Variants in HERC2 observed in about 807,000 individuals in gnomAD.
HERC2 encodes HECT and RLD domain containing E3 ubiquitin protein ligase 2, also known as E3 ubiquitin-protein ligase HERC2.
HERC2 carries 102 observed loss-of-function variants against 537.7 expected under a neutral mutation model. That is an observed-to-expected ratio of 0.19 (90% CI 0.16 to 0.22). The LOEUF (loss-of-function observed/expected upper bound fraction) is 0.22. Ranked by LOEUF, HERC2 falls within the 10% of genes least tolerant of loss-of-function variation. The pLI is 1.00. For missense variants in HERC2, 4,236 were observed against 6,198.2 expected (o/e 0.68, Z 10.63); for synonymous variants, 2,224 against 2,466.2 (o/e 0.90, Z 2.91).
chr15:28,137,271 T>C (rs1352775230), intron 78 of HERC2, among the ~76,000 whole-genome samples: 3 of 152,224 alleles, frequency 2.0e-5, no homozygotes, highest in African/African-American at 4.8e-5. Context: ...ACACCTGTGC[T>C]AGCAGTCTGC....
In HERC2 at chr15:28,122,163, CTGGGG is replaced by C. The variant is rs1888982121; in HGVS notation, c.13189-739_13189-735del. 6.6e-6 allele frequency among the ~76,000 whole-genome samples: 1 copy of C among 152,176 alleles called. No homozygotes were observed. The highest frequency in any genetic ancestry group is 1.5e-5 in the Non-Finnish European group (1 of 68,036). ...TCACACTAAAAGAAATCGGGAGTGC[CTGGGG>C]TGAAGACAGCAGGGCGTGGCCAAAC... On this transcript the variant is annotated intron_variant, in intron 85 of 92. Coordinates refer to ENST00000261609, the MANE Select transcript of HERC2 (RefSeq NM_004667.6). This position sits in a 1 kb window ranked among gnomAD's most constrained non-coding sequence, Gnocchi z 4.1.
At position 28,144,706 on chromosome 15, in the gene HERC2, G is replaced by A. The variant is rs746671998; in HGVS notation, c.11107C>T (p.Arg3703Cys). ...GGCATGATGGGATAGACGGTGAAGC[G>A]CCAGCCCCAGCCATTCACAGACCCA... Reference protein sequence around the residue: ...SDGSVNGWGWRFTVYPIMPAA... With the variant: ...SDGSVNGWGWCFTVYPIMPAA... Residue 3703 changes from arginine to cysteine, a missense_variant, in exon 72 of 93, where the codon CGC becomes TGC. Arg to Cys is a radical substitution (Grantham distance 180). This residue lies in a region of HERC2 where 109 missense variants were observed against 133.5 expected (regional missense o/e 0.82). Coordinates refer to ENST00000261609, the MANE Select transcript of HERC2 (RefSeq NM_004667.6). 11 of 1,613,996 alleles carry A rather than the reference G, an allele frequency of 6.8e-6. No individual in the cohort carries two copies. The highest frequency in any genetic ancestry group is 3.3e-5 in the South Asian group (3 of 91,082).
At position 28,256,104 on chromosome 15, in the gene HERC2, G is replaced by T; in HGVS notation, c.2731C>A (p.Leu911Ile). 1 of 1,603,420 alleles carries T rather than the reference G, an allele frequency of 6.2e-7. No homozygotes were observed. The highest frequency in any genetic ancestry group is 8.5e-7 in the Non-Finnish European group (1 of 1,179,340). ...AEERARALSA[L>I]LPCAVSGNEV... Reference sequence around the variant, plus strand: ...CCAGGCCCACCTGCGCAGGGCAGGAGAGCAGAGAGTGCCCGGGCCCGCTCC... The same window carrying T: ...CCAGGCCCACCTGCGCAGGGCAGGATAGCAGAGAGTGCCCGGGCCCGCTCC... Residue 911 changes from leucine (L) to isoleucine (I), a missense_variant, in exon 18 of 93, where the codon CTC becomes ATC. Coordinates refer to ENST00000261609, the MANE Select transcript of HERC2 (RefSeq NM_004667.6).
chr15:28,163,699 C>T (rs1893845940), intron 68 of HERC2, among the ~76,000 whole-genome samples: 1 of 152,186 alleles, frequency 6.6e-6, no homozygotes, highest in Non-Finnish European at 1.5e-5. Flanking sequence ...TACATTTTGT[C>T]TAGATCCTCT....
chr15:28,246,110 TA>T, intron 22 of HERC2, 44 bp from the exon 23 acceptor site: 1 of 1,288,030 alleles, frequency 7.8e-7, no homozygotes, highest in Non-Finnish European at 1.1e-6. Flanking sequence ...ATTTATCCTA[TA>T]AAAGCTATTT....
intron 4 of HERC2, among the ~76,000 whole-genome samples, chr15:28,287,270 A>G: frequency 6.6e-6 from 1 of 152,178 alleles, no homozygotes; most frequent in East Asian, 1.9e-4. Context: ...CTATTCTAAT[A>G]GCTACAAATT....
chr15:28,155,100 CT>C (rs1158176564), intron 69 of HERC2, among the ~76,000 whole-genome samples: 8 of 151,946 alleles, frequency 5.3e-5, no homozygotes, highest in Non-Finnish European at 1.2e-4. Flanking sequence ...TGAACTCATC[CT>C]TTTTTATGGC....
intron 65 of HERC2, among the ~76,000 whole-genome samples, chr15:28,171,617 T>C (rs1045860052): frequency 2.6e-5 from 4 of 152,092 alleles, no homozygotes; most frequent in Admixed American, 6.5e-5. Flanking sequence ...AATATTTGTA[T>C]GACAAGATGA....
intron 20 of HERC2, among the ~76,000 whole-genome samples, chr15:28,252,811 T>C (rs562963284): frequency 2.6e-4 from 39 of 152,376 alleles, no homozygotes; most frequent in South Asian, 8.3e-4. Flanking sequence ...AAATCTATGA[T>C]AGAAACTAGC....
At chr15:28,285,403 T>C (rs2141086053) in intron 4 of HERC2, among the ~76,000 whole-genome samples, 1 of 152,260 alleles carries the variant, frequency 6.6e-6, no homozygotes, top group South Asian at 2.1e-4. Flanking sequence ...ACAGGAAAAT[T>C]GCCTAACTCT....
At chr15:28,304,124 C>T (rs1243803163) in intron 2 of HERC2, among the ~76,000 whole-genome samples, 19 of 128,308 alleles carry the variant, frequency 1.5e-4, no homozygotes, top group Non-Finnish European at 3.1e-5. Flanking sequence ...CGAGATTGCG[C>T]CATTGCTTTC....
intron 69 of HERC2, among the ~76,000 whole-genome samples, chr15:28,154,043 T>C (rs1163414809): frequency 2.0e-5 from 3 of 152,186 alleles, no homozygotes; most frequent in African/African-American, 7.2e-5. Flanking sequence ...TCTTATTTTA[T>C]TTTAAAACTT....
intron 5 of HERC2, among the ~76,000 whole-genome samples, chr15:28,276,192 C>CAAA (rs11359639): frequency 3.6e-4 from 25 of 70,100 alleles, no homozygotes; most frequent in South Asian, 7.0e-4. Flanking sequence ...TCTCAAAAAA[C>CAAA]AAAAAAAAAA....
intron 57 of HERC2, among the ~76,000 whole-genome samples, chr15:28,181,191 T>C (rs926791262): frequency 7.9e-5 from 12 of 152,122 alleles, no homozygotes; most frequent in African/African-American, 2.4e-4. Context: ...CTGGGTGAAA[T>C]AGTCACTACT....
At position 28,295,309 on chromosome 15, in the gene HERC2, G is replaced by T. The variant is rs1250625877; in HGVS notation, c.188-2287C>A. On this transcript the variant is annotated intron_variant, in intron 3 of 92. Transcript: ENST00000261609. ...GCCAGACTCTGTCCTACATGTGTGT[G>T]GGGGGGGGGGAGTGGGGGGGAGGCG... 0.03 allele frequency among the ~76,000 whole-genome samples: 52 copies of T among 1,716 alleles called. No homozygotes were observed. In the East Asian group the frequency reaches 0.41, roughly 13 times the overall value. The allele number at this position is 1,716 out of a possible 152,430, so 1.1% of individuals were successfully genotyped here.
chr15:28,138,301 A>G (rs1052265990), intron 78 of HERC2, among the ~76,000 whole-genome samples: 1 of 152,216 alleles, frequency 6.6e-6, no homozygotes, highest in Non-Finnish European at 1.5e-5. Context: ...ACAACCGTCT[A>G]TTGGAAGAAG....
In HERC2 at chr15:28,141,535, G is replaced by C; in HGVS notation, c.11912C>G (p.Ala3971Gly). ...HRGQLGGIEG[A>G]KVKVPTPCEA... ...ACAGGGAGTGGGAACTTTGACTTTTGCGCCTTCAATGCCCCCGAGCTGGCC... is the reference window on the plus strand; with the variant it reads ...ACAGGGAGTGGGAACTTTGACTTTTCCGCCTTCAATGCCCCCGAGCTGGCC... Residue 3971 changes from alanine to glycine, a missense_variant, in exon 78 of 93, where the codon GCA (alanine) becomes GGA (glycine). Coordinates refer to ENST00000261609, the MANE Select transcript of HERC2 (RefSeq NM_004667.6). 1.2e-6 allele frequency: 2 copies of C among 1,614,120 alleles called. No individual in the cohort carries two copies.
At chr15:28,278,040 GAGCCCAGGGGTTC>G in intron 5 of HERC2, among the ~76,000 whole-genome samples, 1 of 151,816 alleles carries the variant, frequency 6.6e-6, no homozygotes, top group East Asian at 1.9e-4. Flanking sequence ...AGGGTTGCTT[GAGCCCAGGGGTTC>G]AAGACCAGCC....
chr15:28,125,082 C>T lies in HERC2; in HGVS notation c.12914G>A (p.Arg4305His), dbSNP rs139596817. The part of the protein sequence containing the change: ...VAALQGKKVN[R>H]VACGSAHTLA... ...GGTATGTGCTGAGCCACAGGCCACA[C>T]GGTTGACCTTCTTACCCTGAAGGGC... The change falls in exon 84 of 93, where the codon CGT (arginine) becomes CAT (histidine). Residue 4305 changes from arginine (R) to histidine (H), a missense_variant. This residue lies in a region of HERC2 where 189 missense variants were observed against 255.7 expected (regional missense o/e 0.74). Coordinates refer to ENST00000261609, the MANE Select transcript of HERC2 (RefSeq NM_004667.6). 2.2e-5 allele frequency: 36 copies of T among 1,614,054 alleles called. No homozygotes were observed. Among genetic ancestry groups the T allele is most frequent in the East Asian group, 4.5e-5 (2 of 44,870 alleles).
Sources: allele counts gnomAD v4.1 joint callset (sites outside exome capture counted in the v4.1 genomes callset), GRCh38; gene constraint gnomAD v4.1.1; regional missense constraint gnomAD v4.1.1; non-coding constraint Gnocchi (gnomAD v3.1); transcripts MANE v1.5; gene names NCBI Gene and HGNC (gene_info 2026-07-23, HGNC 2026-07-21).